The following TNFSF4 variants were observed in gnomAD, a reference collection of about 807,000 sequenced individuals.
TNFSF4 encodes the protein tumor necrosis factor ligand superfamily member 4.
In TNFSF4, 4 loss-of-function variants were observed where a neutral mutation model predicts 7.3. That is an observed-to-expected ratio of 0.55 (90% confidence interval 0.27 to 1.25). The LOEUF (loss-of-function observed/expected upper bound fraction) is 1.25, where lower values mean the gene tolerates loss of function less well. TNFSF4 is among the 50% of genes most tolerant of loss of function. TNFSF4 has a pLI of 0.12. For missense variants in TNFSF4, 181 were observed against 208.8 expected (o/e 0.87, Z 0.82); for synonymous variants, 76 against 83.7 (o/e 0.91, Z 0.50).
chr1:173,449,247 G>T, the TNFSF4 span, among the ~76,000 whole-genome samples: 1 of 152,128 alleles, frequency 6.6e-6, no homozygotes, highest in African/African-American at 2.4e-5. Context: ...TGAAGCTGAT[G>T]CCAGAGCTGT....
At chr1:173,372,073 C>T in the TNFSF4 span, among the ~76,000 whole-genome samples, 2 of 152,298 alleles carry the variant, frequency 1.3e-5, no homozygotes, top group South Asian at 4.1e-4. Context: ...AACTTTCTAG[C>T]TAATCAAGGG....
chr1:173,368,011 A>G, the TNFSF4 span, among the ~76,000 whole-genome samples: 5 of 152,252 alleles, frequency 3.3e-5, no homozygotes, highest in Admixed American at 1.3e-4. Context: ...TAGCAAAGGG[A>G]TTGTAAAATG....
At chr1:173,269,030 C>A in the TNFSF4 span, among the ~76,000 whole-genome samples, 13 of 152,114 alleles carry the variant, frequency 8.5e-5, no homozygotes, top group Middle Eastern at 3.4e-3. Flanking sequence ...TAGAGTACAA[C>A]GTTTACTCTC....
At chr1:173,405,225 C>A in the TNFSF4 span, among the ~76,000 whole-genome samples, 1 of 152,152 alleles carries the variant, frequency 6.6e-6, no homozygotes, top group Non-Finnish European at 1.5e-5. Context: ...GTTTCCATTG[C>A]AACTACTCAA....
the TNFSF4 span, among the ~76,000 whole-genome samples, chr1:173,236,029 A>G: frequency 6.6e-6 from 1 of 152,132 alleles, no homozygotes; most frequent in Non-Finnish European, 1.5e-5. Flanking sequence ...ATTTGTTGGG[A>G]CTGGTAGGTG....
At chr1:173,411,081 G>A in the TNFSF4 span, among the ~76,000 whole-genome samples, 67 of 152,326 alleles carry the variant, frequency 4.4e-4, no homozygotes, top group African/African-American at 1.6e-3. Context: ...GCCGCTTGAC[G>A]TGTGTGGGCT....
intron 1 of TNFSF4, among the ~76,000 whole-genome samples, chr1:173,206,244 C>A (rs1650185288): frequency 6.6e-6 from 1 of 151,830 alleles, no homozygotes; most frequent in Non-Finnish European, 1.5e-5. Context: ...TGAAGAACAT[C>A]CTTAAATACC....
At chr1:173,344,562 G>A in the TNFSF4 span, among the ~76,000 whole-genome samples, 7 of 152,166 alleles carry the variant, frequency 4.6e-5, no homozygotes, top group African/African-American at 1.4e-4. Context: ...TTGGTCCAAA[G>A]TTCAGCAAGT....
At chr1:173,327,574 G>C in the TNFSF4 span, among the ~76,000 whole-genome samples, 8 of 150,936 alleles carry the variant, frequency 5.3e-5, no homozygotes, top group Non-Finnish European at 1.0e-4. Context: ...GCAACCTACA[G>C]AATGGGAGAA....
At chr1:173,180,359 T>C (rs2101974771), downstream of TNFSF4, among the ~76,000 whole-genome samples, 1 of 152,326 alleles carries the variant, frequency 6.6e-6, no homozygotes, top group Admixed American at 6.5e-5. Context: ...CATATTTGTC[T>C]TTACATTTCT....
chr1:173,375,915 A>G, the TNFSF4 span, among the ~76,000 whole-genome samples: 1 of 152,070 alleles, frequency 6.6e-6, no homozygotes, highest in Non-Finnish European at 1.5e-5. Flanking sequence ...GCAAAGGTCC[A>G]TGGTTCCATT....
intron 1 of TNFSF4, among the ~76,000 whole-genome samples, chr1:173,193,591 GA>G (rs947707850): frequency 8.6e-5 from 13 of 151,960 alleles, no homozygotes; most frequent in Non-Finnish European, 1.2e-4. Context: ...CGAATTTGAA[GA>G]AAAAAATTCT....
At chr1:173,378,874 C>CCT in the TNFSF4 span, among the ~76,000 whole-genome samples, 1 of 86,038 alleles carries the variant, frequency 1.2e-5, no homozygotes, top group East Asian at 3.1e-4. Flanking sequence ...ACAAGAACCC[C>CCT]CCTCCCCCCC....
the TNFSF4 span, among the ~76,000 whole-genome samples, chr1:173,218,547 A>G: frequency 1.3e-5 from 2 of 152,120 alleles, no homozygotes; most frequent in African/African-American, 2.4e-5. Flanking sequence ...TTCAGTTACT[A>G]TGACCCAGTC....
At chr1:173,359,761 G>A in the TNFSF4 span, among the ~76,000 whole-genome samples, 2 of 152,172 alleles carry the variant, frequency 1.3e-5, no homozygotes, top group African/African-American at 4.8e-5. Flanking sequence ...TGCTAAGATA[G>A]TGTTTCCAAT....
the TNFSF4 span, among the ~76,000 whole-genome samples, chr1:173,374,310 G>A: frequency 3.3e-5 from 5 of 152,136 alleles, 1 homozygote; most frequent in Admixed American, 3.3e-4. Flanking sequence ...CCAACCAGGA[G>A]ATCTAGTGTT....
the TNFSF4 span, among the ~76,000 whole-genome samples, chr1:173,325,521 A>G: frequency 1.3e-5 from 2 of 152,168 alleles, no homozygotes; most frequent in Non-Finnish European, 2.9e-5. Context: ...AAATCAGAGC[A>G]GAACTGAAGG....
At chr1:173,309,670 T>G in the TNFSF4 span, among the ~76,000 whole-genome samples, 1 of 151,876 alleles carries the variant, frequency 6.6e-6, no homozygotes, top group Non-Finnish European at 1.5e-5. Context: ...TTATTAGACT[T>G]TGCTATTAAT....
At chr1:173,364,710 A>G in the TNFSF4 span, among the ~76,000 whole-genome samples, 1 of 152,032 alleles carries the variant, frequency 6.6e-6, no homozygotes, top group African/African-American at 2.4e-5. Flanking sequence ...AGTGTTCGGT[A>G]CTCTTTGGTC....
Sources: allele counts gnomAD v4.1 joint callset (sites outside exome capture counted in the v4.1 genomes callset), GRCh38; gene constraint gnomAD v4.1.1; transcripts MANE v1.5; gene names NCBI Gene and HGNC (gene_info 2026-07-23, HGNC 2026-07-21).